Variants in ANKRD33B observed in about 807,000 individuals in gnomAD.
ANKRD33B encodes the protein ankyrin repeat domain 33B, also known as ankyrin repeat domain-containing protein 33B.
ANKRD33B carries 6 observed loss-of-function variants against 21.5 expected under a neutral mutation model. That is an observed-to-expected ratio of 0.28 (90% CI 0.15 to 0.55). The LOEUF is 0.55. ANKRD33B is among the 20% of genes least tolerant of loss of function. ANKRD33B has a pLI of 0.94. For synonymous variants in ANKRD33B, 347 were observed against 342.4 expected (o/e 1.01, Z -0.15); for missense variants, 698 against 747.2 (o/e 0.93, Z 0.77).
At chr5:10,624,166 A>G (rs185792371) in intron 2 of ANKRD33B, among the ~76,000 whole-genome samples, 29 of 119,126 alleles carry the variant, frequency 2.4e-4, no homozygotes, top group African/African-American at 9.4e-4. Context: ...GTCTTGCTCT[A>G]TCGCCCAGGC....
chr5:10,592,285 AT>A (rs1735711430), intron 1 of ANKRD33B, among the ~76,000 whole-genome samples: 1 of 151,850 alleles, frequency 6.6e-6, no homozygotes. Flanking sequence ...CTTGTCTCTT[AT>A]TTTTGTTAAA....
chr5:10,601,085 C>T (rs1006922714), intron 1 of ANKRD33B, among the ~76,000 whole-genome samples: 9 of 152,144 alleles, frequency 5.9e-5, no homozygotes, highest in Admixed American at 3.3e-4. Context: ...GTTTCAGTTA[C>T]ACCTTAAATC....
chr5:10,568,152 CCTT>C, intron 1 of ANKRD33B, among the ~76,000 whole-genome samples: 1 of 152,312 alleles, frequency 6.6e-6, no homozygotes, highest in African/African-American at 2.4e-5. Context: ...ACACCATTTT[CCTT>C]CTAAAATATT....
intron 1 of ANKRD33B, among the ~76,000 whole-genome samples, chr5:10,615,010 G>T (rs898441458): frequency 6.6e-5 from 10 of 152,228 alleles, no homozygotes; most frequent in African/African-American, 2.4e-4. Flanking sequence ...GAGGAGTGTG[G>T]TGGGGAGAAG....
intron 1 of ANKRD33B, among the ~76,000 whole-genome samples, chr5:10,606,670 G>T (rs1337345011): frequency 6.6e-6 from 1 of 151,910 alleles, no homozygotes; most frequent in East Asian, 2.0e-4. Context: ...CGAGGTGGAG[G>T]TTGCAGTGAC....
intron 1 of ANKRD33B, among the ~76,000 whole-genome samples, chr5:10,600,232 G>A (rs1735901220): frequency 6.6e-6 from 1 of 152,250 alleles, no homozygotes; most frequent in Admixed American, 6.5e-5. Context: ...TCTTAAGGGT[G>A]TAGTTCAGTG....
intron 1 of ANKRD33B, among the ~76,000 whole-genome samples, chr5:10,602,834 A>G (rs1205692308): frequency 1.4e-5 from 2 of 144,738 alleles, no homozygotes; most frequent in Non-Finnish European, 3.0e-5. Context: ...TTTTTTTGAG[A>G]CAGTGTTTCA....
intron 1 of ANKRD33B, among the ~76,000 whole-genome samples, chr5:10,586,721 A>T (rs1230391981): frequency 2.0e-5 from 3 of 152,308 alleles, no homozygotes; most frequent in Admixed American, 2.0e-4. Context: ...GGATCTTTCC[A>T]GTGCAAACAT....
intron 2 of ANKRD33B, among the ~76,000 whole-genome samples, chr5:10,626,767 G>A (rs763841453): frequency 2.2e-4 from 34 of 152,174 alleles, no homozygotes; most frequent in Non-Finnish European, 4.4e-4. Flanking sequence ...TATAAGACAG[G>A]AAAACATTTC....
intron 1 of ANKRD33B, among the ~76,000 whole-genome samples, chr5:10,570,367 C>G (rs1389326504): frequency 1.3e-5 from 2 of 152,084 alleles, no homozygotes; most frequent in Non-Finnish European, 2.9e-5. Flanking sequence ...ATGGCAAGAC[C>G]AAAACAGTCT....
intron 1 of ANKRD33B, among the ~76,000 whole-genome samples, chr5:10,568,626 C>T (rs963699921): frequency 6.6e-6 from 1 of 152,234 alleles, no homozygotes; most frequent in Non-Finnish European, 1.5e-5. Context: ...CCTCCGCCTC[C>T]GGGGTTCAAG....
rs1349884170 is a variant in ANKRD33B at position 10,576,093 on chromosome 5, G to A, written c.366+11260G>A. 6.6e-6 allele frequency among the ~76,000 whole-genome samples: 1 copy of A among 152,206 alleles called. No individual in the cohort carries two copies. Among genetic ancestry groups the A allele is most frequent in the Non-Finnish European group, 1.5e-5 (1 of 68,036 alleles). On this transcript the variant is annotated intron_variant, in intron 1 of 3. Coordinates refer to ENST00000296657, the MANE Select transcript of ANKRD33B (RefSeq NM_001164440.2). This position sits in a 1 kb window ranked among gnomAD's most constrained non-coding sequence, Gnocchi z 4.1. ...TTATTGTACAGTAATTGTGGAAGAT[G>A]CTACCTTTGGGGAGGACAGGTGAAG...
intron 2 of ANKRD33B, among the ~76,000 whole-genome samples, chr5:10,624,221 C>A (rs1346760900): frequency 9.3e-5 from 14 of 151,178 alleles, no homozygotes; most frequent in Admixed American, 9.2e-4. Flanking sequence ...CCTCTGCTTC[C>A]CAGGTTCAAG....
chr5:10,579,642 T>TA (rs1048032407), intron 1 of ANKRD33B, among the ~76,000 whole-genome samples: 9 of 152,120 alleles, frequency 5.9e-5, no homozygotes, highest in Admixed American at 5.2e-4. Context: ...TCTTATGATT[T>TA]AAAAAATTAA....
chr5:10,619,855 G>A lies in ANKRD33B; in HGVS notation c.496+1393G>A, dbSNP rs1172287696. Among the ~76,000 whole-genome samples, 1 of 152,182 alleles carries A rather than the reference G, an allele frequency of 6.6e-6. No individual in the cohort carries two copies. Among genetic ancestry groups the A allele is most frequent in the African/African-American group, 2.4e-5 (1 of 41,438 alleles). ...CTCATGGGACAGAGAAACACACGAA[G>A]CCCAGCACCATCTGTCTGCCGGAGC... is the stretch of plus-strand genomic sequence containing the variant. On this transcript the variant is annotated intron_variant, in intron 2 of 3. Transcript: ENST00000296657. The surrounding 1 kb of genome is among the most constrained non-coding windows in gnomAD (Gnocchi z 4.5).
intron 2 of ANKRD33B, chr5:10,628,240 A>T (rs563203710): frequency 1.3e-5 from 2 of 151,908 alleles, no homozygotes; most frequent in South Asian, 2.1e-4. Context: ...GAGTGCAATG[A>T]TGTGATCTTG....
rs765549999 is a variant in ANKRD33B at position 10,638,014 on chromosome 5, A to G, written c.497-14A>G. On this transcript the variant is annotated splice_polypyrimidine_tract_variant and intron_variant, in intron 2 of 3. Coordinates refer to ENST00000296657, the MANE Select transcript of ANKRD33B (RefSeq NM_001164440.2). ...GAAGTGGGAACCAATACACGTGTAC[A>G]CTTCTCTTTACAGGGCACGCTATCA... is the stretch of plus-strand genomic sequence containing the variant. 2 of 1,536,906 alleles carry G rather than the reference A, an allele frequency of 1.3e-6. No homozygotes were observed. The highest frequency in any genetic ancestry group is 2.4e-5 in the South Asian group (2 of 84,010).
chr5:10,628,748 A>G (rs1393015564), intron 2 of ANKRD33B, among the ~76,000 whole-genome samples: 1 of 152,204 alleles, frequency 6.6e-6, no homozygotes, highest in African/African-American at 2.4e-5. Context: ...GTCAGTTGGA[A>G]GTTTTAAGCA....
Position 10,564,567 on chromosome 5 carries a change from C to T in ANKRD33B, c.100C>T (p.Pro34Ser). Residue 34 changes from proline (P) to serine (S), a missense_variant, in exon 1 of 4, where the codon CCC becomes TCC. By Grantham distance (74) the Pro-to-Ser change is moderately conservative. This residue lies in a region of ANKRD33B where 148 missense variants were observed against 154.9 expected (regional missense o/e 0.96). Coordinates refer to ENST00000296657, the MANE Select transcript of ANKRD33B (RefSeq NM_001164440.2). ...CCGGGGCGCGCAGGTCGAGGAGGACCCCGCTGACTACGAAGAGTTTGAGGA... is the reference window on the plus strand; with the variant it reads ...CCGGGGCGCGCAGGTCGAGGAGGACTCCGCTGACTACGAAGAGTTTGAGGA... Reference protein sequence around the residue: ...PPRGAQVEEDPADYEEFEDFS... With the variant: ...PPRGAQVEEDSADYEEFEDFS... 2.0e-6 allele frequency: 3 copies of T among 1,534,284 alleles called. No homozygotes were observed. In the South Asian group the frequency reaches 3.6e-5, roughly 18 times the overall value.
Sources: allele counts gnomAD v4.1 joint callset (sites outside exome capture counted in the v4.1 genomes callset), GRCh38; gene constraint gnomAD v4.1.1; regional missense constraint gnomAD v4.1.1; non-coding constraint Gnocchi (gnomAD v3.1); transcripts MANE v1.5; gene names NCBI Gene and HGNC (gene_info 2026-07-23, HGNC 2026-07-21).